ST7L: variants seen among roughly 807,000 people sequenced by gnomAD.
ST7L encodes the protein suppressor of tumorigenicity 7 protein-like.
In ST7L, 57 loss-of-function variants were observed where a neutral mutation model predicts 72.5. The observed-to-expected ratio is 0.79, with a 90% CI of 0.64 to 0.98. The LOEUF is 0.98. Among genes scored for constraint, ST7L ranks in the 50% least tolerant of loss-of-function variants. The pLI is 0.00. For missense variants in ST7L, 576 were observed against 672.2 expected, an observed-to-expected ratio of 0.86 and a Z score of 1.58; for synonymous variants, 221 against 240.9, an observed-to-expected ratio of 0.92 and a Z score of 0.77.
intron 13 of ST7L, among the ~76,000 whole-genome samples, chr1:112,548,497 T>A (rs1250923478): frequency 1.3e-5 from 2 of 152,164 alleles, no homozygotes; most frequent in Non-Finnish European, 2.9e-5. Flanking sequence ...TAAAAAACAT[T>A]AGGAGAAAAA....
intron 7 of ST7L, 97 bp from the exon 8 acceptor site, chr1:112,582,569 AAG>A (rs1664294335): frequency 1.6e-6 from 1 of 627,946 alleles, no homozygotes; most frequent in Non-Finnish European, 2.6e-6. Flanking sequence ...CTTCCCTTGG[AAG>A]AGTCAATTAA....
chr1:112,601,548 C>CA (rs1183339483), intron 3 of ST7L, among the ~76,000 whole-genome samples: 1 of 151,810 alleles, frequency 6.6e-6, no homozygotes, highest in Non-Finnish European at 1.5e-5. Flanking sequence ...CCTGGCCAGA[C>CA]ACGTTTTGTT....
chr1:112,571,202 T>TAA (rs1662068833), intron 11 of ST7L: 1 of 410,526 alleles, frequency 2.4e-6, no homozygotes, highest in Non-Finnish European at 4.8e-6. Flanking sequence ...ACCTTAATAA[T>TAA]TATTGTGTTT....
At chr1:112,617,823 T>C (rs1223633816) in intron 1 of ST7L, among the ~76,000 whole-genome samples, 1 of 151,772 alleles carries the variant, frequency 6.6e-6, no homozygotes, top group Non-Finnish European at 1.5e-5. Context: ...ATGGTTAACG[T>C]AGAAAAATAA....
At chr1:112,593,180 T>C (rs1245664289) in intron 5 of ST7L, among the ~76,000 whole-genome samples, 1 of 152,186 alleles carries the variant, frequency 6.6e-6, no homozygotes, top group Non-Finnish European at 1.5e-5. Context: ...CTTATTCTTT[T>C]GTTTTCAAAT....
intron 9 of ST7L, among the ~76,000 whole-genome samples, chr1:112,578,779 A>C (rs760432788): frequency 1.6e-4 from 25 of 152,226 alleles, no homozygotes; most frequent in African/African-American, 3.9e-4. Context: ...CGTCTCCAAA[A>C]AAAACAAAAC....
At chr1:112,617,933 T>G in intron 1 of ST7L, 2 of 1,240,396 alleles carry the variant, frequency 1.6e-6, no homozygotes, top group Non-Finnish European at 2.1e-6. Context: ...TTAGCTTATT[T>G]TAGAGTGCTA....
chr1:112,600,330 A>T (rs983731813), intron 4 of ST7L, among the ~76,000 whole-genome samples: 1 of 152,076 alleles, frequency 6.6e-6, no homozygotes, highest in Non-Finnish European at 1.5e-5. Flanking sequence ...GAGCCACTGC[A>T]CCTGGCCTCT....
At chr1:112,575,480 TA>T (rs1662958310) in intron 11 of ST7L, among the ~76,000 whole-genome samples, 1 of 152,176 alleles carries the variant, frequency 6.6e-6, no homozygotes, top group Non-Finnish European at 1.5e-5. Flanking sequence ...GGGTCACTAT[TA>T]AGTAAGATAA....
At chr1:112,559,531 A>C (rs1265826306) in intron 11 of ST7L, among the ~76,000 whole-genome samples, 2 of 150,592 alleles carry the variant, frequency 1.3e-5, no homozygotes, top group Non-Finnish European at 3.0e-5. Context: ...CACGCCTGGC[A>C]AAAAAAAATA....
chr1:112,603,332 A>G (rs1016154510), intron 3 of ST7L, among the ~76,000 whole-genome samples: 1 of 152,288 alleles, frequency 6.6e-6, no homozygotes, highest in Admixed American at 6.5e-5. Flanking sequence ...TAAAAGATCC[A>G]TTCAAAATGT....
chr1:112,600,744 C>A, intron 4 of ST7L, 50 bp downstream of exon 4: 1 of 1,489,698 alleles, frequency 6.7e-7, no homozygotes, highest in Non-Finnish European at 9.3e-7. Flanking sequence ...TTGTAAATAC[C>A]TTTACTCTAA....
chr1:112,619,041 G>A lies in ST7L; in HGVS notation c.73C>T (p.Pro25Ser). The A allele has an allele frequency of 6.2e-7, 1 of 1,613,982 alleles. No individual in the cohort carries two copies. The highest frequency in any genetic ancestry group is 1.3e-5 in the African/African-American group (1 of 75,050). Reference protein sequence around the residue: ...ASPASVPGLNPTLGWRERLRA... With the variant: ...ASPASVPGLNSTLGWRERLRA... ...AGTCGCTCCCTCCAGCCTAGCGTCG[G>A]GTTTAGGCCAGGGACAGATGCAGGA... Residue 25 changes from proline (P) to serine (S), a missense_variant, in exon 1 of 15, where the codon CCG (proline) becomes TCG (serine). Around this residue, in one of 3 missense-constraint regions of ST7L, gnomAD observed 56 missense variants for 45.8 expected, o/e 1.22. Coordinates refer to ENST00000358039, the MANE Select transcript of ST7L (RefSeq NM_017744.5).
In ST7L at chr1:112,534,192, G is replaced by A. The variant is rs190743875; in HGVS notation, c.1629+7759C>T. Reference sequence around the variant, plus strand: ...TCTTTTAGGAAAGTTTCTCTAGCAAGCCACTGGATATCACCACTCTGTCAT... The same window carrying A: ...TCTTTTAGGAAAGTTTCTCTAGCAAACCACTGGATATCACCACTCTGTCAT... On this transcript the variant is annotated intron_variant, in intron 14 of 14. Coordinates refer to ENST00000358039, the MANE Select transcript of ST7L (RefSeq NM_017744.5). 3.2e-3 allele frequency among the ~76,000 whole-genome samples: 492 copies of A among 152,250 alleles called. 2 individuals carry two copies. Among genetic ancestry groups the A allele is most frequent in the African/African-American group, 0.011 (472 of 41,530 alleles).
At chr1:112,597,853 T>C (rs1271936423) in intron 5 of ST7L, 118 bp downstream of exon 5, 13 of 574,386 alleles carry the variant, frequency 2.3e-5, no homozygotes, top group Non-Finnish European at 1.4e-5. Context: ...ATCAATAATA[T>C]AAACAACTCC....
At chr1:112,547,943 G>A (rs1030782700) in intron 13 of ST7L, among the ~76,000 whole-genome samples, 4 of 152,016 alleles carry the variant, frequency 2.6e-5, no homozygotes, top group African/African-American at 9.7e-5. Context: ...CTAATATTTA[G>A]CATTTTAGTT....
intron 14 of ST7L, 142 bp downstream of exon 14, chr1:112,541,809 T>C: frequency 7.2e-7 from 1 of 1,382,092 alleles, no homozygotes; most frequent in Non-Finnish European, 9.4e-7. Context: ...GATGTATTTA[T>C]GGCAGCAACT....
chr1:112,597,626 A>G (rs1488736276), intron 5 of ST7L, among the ~76,000 whole-genome samples: 1 of 152,210 alleles, frequency 6.6e-6, no homozygotes. Flanking sequence ...CCATTCTCCA[A>G]TGTTTATACA....
At chr1:112,558,883 CT>C (rs1238388114) in intron 11 of ST7L, among the ~76,000 whole-genome samples, 1 of 152,194 alleles carries the variant, frequency 6.6e-6, no homozygotes, top group Non-Finnish European at 1.5e-5. Flanking sequence ...TAGCTGACCT[CT>C]GACATGACTC....
Sources: allele counts gnomAD v4.1 joint callset (sites outside exome capture counted in the v4.1 genomes callset), GRCh38; gene constraint gnomAD v4.1.1; regional missense constraint gnomAD v4.1.1; transcripts MANE v1.5; gene names NCBI Gene and HGNC (gene_info 2026-07-23, HGNC 2026-07-21).